The following IQGAP2 variants were observed in gnomAD, a reference collection of about 807,000 sequenced individuals.
The protein encoded by IQGAP2 is IQ motif containing GTPase activating protein 2.
IQGAP2 carries 173 observed loss-of-function variants against 201.3 expected under a neutral mutation model. The ratio of observed to expected loss-of-function variants is 0.86; its 90% CI spans 0.76 to 0.98. The LOEUF (loss-of-function observed/expected upper bound fraction) is 0.98. Among genes scored for constraint, IQGAP2 ranks in the 50% least tolerant of loss-of-function variants. IQGAP2 has a pLI of 0.00. For missense variants in IQGAP2, 1,687 were observed against 1,864.8 expected, an observed-to-expected ratio of 0.90 and a Z score of 1.76; for synonymous variants, 675 against 673.9, an observed-to-expected ratio of 1.00 and a Z score of -0.03.
intron 21 of IQGAP2, among the ~76,000 whole-genome samples, chr5:76,659,013 C>T (rs1353256673): frequency 1.3e-5 from 2 of 152,100 alleles, no homozygotes; most frequent in Non-Finnish European, 2.9e-5. Context: ...TCTTATAGGA[C>T]TTATGTCTTA....
chr5:76,465,169 A>G (rs971704597), intron 2 of IQGAP2, among the ~76,000 whole-genome samples: 1 of 152,228 alleles, frequency 6.6e-6, no homozygotes, highest in Non-Finnish European at 1.5e-5. Flanking sequence ...ATCCTTAGCA[A>G]AATACTAGCA....
At chr5:76,525,463 A>T (rs571445340) in intron 2 of IQGAP2, among the ~76,000 whole-genome samples, 2 of 148,118 alleles carry the variant, frequency 1.4e-5, no homozygotes, top group Non-Finnish European at 3.0e-5. Context: ...TTTCCAGTGA[A>T]TTTTTTTTTT....
intron 3 of IQGAP2, among the ~76,000 whole-genome samples, chr5:76,570,202 G>T (rs1745015164): frequency 6.6e-6 from 1 of 152,120 alleles, no homozygotes; most frequent in African/African-American, 2.4e-5. Context: ...TTCTGAAGTT[G>T]CTAGGCCTCT....
intron 2 of IQGAP2, among the ~76,000 whole-genome samples, chr5:76,474,581 G>GT (rs1415864048): frequency 6.6e-6 from 1 of 152,076 alleles, no homozygotes. Context: ...TTGTTTGTTT[G>GT]TTTTTTCCCA....
intron 28 of IQGAP2, among the ~76,000 whole-genome samples, chr5:76,681,428 A>G (rs1745282094): frequency 6.6e-6 from 1 of 152,110 alleles, no homozygotes; most frequent in Non-Finnish European, 1.5e-5. Context: ...ATGTTTTTCC[A>G]GAGAAGTATA....
At chr5:76,531,155 C>A (rs182463076) in intron 2 of IQGAP2, among the ~76,000 whole-genome samples, 22 of 152,308 alleles carry the variant, frequency 1.4e-4, no homozygotes, top group African/African-American at 4.8e-4. Flanking sequence ...CTCTCTGCTT[C>A]CAAGATGGTG....
At chr5:76,419,848 C>G (rs1456569565) in intron 1 of IQGAP2, among the ~76,000 whole-genome samples, 1 of 152,174 alleles carries the variant, frequency 6.6e-6, no homozygotes, top group African/African-American at 2.4e-5. Context: ...ATCTCACATA[C>G]TGAGAAAGAC....
At chr5:76,565,854 GGT>G (rs1236810684) in intron 3 of IQGAP2, among the ~76,000 whole-genome samples, 3 of 152,072 alleles carry the variant, frequency 2.0e-5, no homozygotes, top group Admixed American at 1.3e-4. Context: ...CCACCTAATG[GGT>G]GTGTGTAAAA....
intron 2 of IQGAP2, among the ~76,000 whole-genome samples, chr5:76,548,937 GT>G (rs1359379889): frequency 6.6e-6 from 1 of 152,142 alleles, no homozygotes; most frequent in Non-Finnish European, 1.5e-5. Context: ...TGTTCAGGGG[GT>G]GCAACAGACT....
At chr5:76,555,149 T>G (rs1265160524) in intron 2 of IQGAP2, among the ~76,000 whole-genome samples, 1 of 152,146 alleles carries the variant, frequency 6.6e-6, no homozygotes, top group East Asian at 1.9e-4. Flanking sequence ...TGGGGGTAAA[T>G]GGAGAATGAC....
chr5:76,537,277 C>CT (rs939205536), intron 2 of IQGAP2, among the ~76,000 whole-genome samples: 2 of 152,096 alleles, frequency 1.3e-5, no homozygotes, highest in African/African-American at 4.8e-5. Context: ...TAATAAAGGC[C>CT]TGTCCGGAAT....
chr5:76,583,278 T>A (rs1356705633), intron 5 of IQGAP2, among the ~76,000 whole-genome samples: 2 of 152,230 alleles, frequency 1.3e-5, no homozygotes, highest in Non-Finnish European at 2.9e-5. Context: ...TATTGCTGTT[T>A]CTTTTCAGCA....
At chr5:76,411,432 C>T (rs1751110440) in intron 1 of IQGAP2, among the ~76,000 whole-genome samples, 1 of 152,100 alleles carries the variant, frequency 6.6e-6, no homozygotes, top group South Asian at 2.1e-4. Flanking sequence ...TTGGAAGGTG[C>T]TGTAGTTTGA....
chr5:76,521,215 G>C (rs1758661607), intron 2 of IQGAP2, among the ~76,000 whole-genome samples: 1 of 152,098 alleles, frequency 6.6e-6, no homozygotes, highest in Non-Finnish European at 1.5e-5. Flanking sequence ...ATAATTATTT[G>C]TCCAGATCTC....
chr5:76,615,119 G>A (rs1376181814), intron 13 of IQGAP2, among the ~76,000 whole-genome samples: 1 of 152,206 alleles, frequency 6.6e-6, no homozygotes, highest in Non-Finnish European at 1.5e-5. Context: ...TCTGTTCACT[G>A]GGTGGTGTGT....
At chr5:76,651,665 G>C (rs1228489531) in intron 17 of IQGAP2, among the ~76,000 whole-genome samples, 2 of 152,012 alleles carry the variant, frequency 1.3e-5, no homozygotes, top group Non-Finnish European at 1.5e-5. Flanking sequence ...CTGTGTAAAG[G>C]GGTACACGGA....
chr5:76,417,877 T>C (rs926456076), intron 1 of IQGAP2, among the ~76,000 whole-genome samples: 5 of 151,562 alleles, frequency 3.3e-5, no homozygotes, highest in Non-Finnish European at 5.9e-5. Context: ...CCATTGTGCC[T>C]GGCTGATATG....
intron 13 of IQGAP2, among the ~76,000 whole-genome samples, chr5:76,624,737 C>T (rs1750061384): frequency 6.6e-6 from 1 of 152,074 alleles, no homozygotes; most frequent in Non-Finnish European, 1.5e-5. Flanking sequence ...TGTGGCCGTC[C>T]CATAAATATA....
At chr5:76,424,021 G>A (rs10044373) in intron 1 of IQGAP2, among the ~76,000 whole-genome samples, 60,136 of 151,952 alleles carry the variant, frequency 0.4, 13,388 homozygotes, top group East Asian at 0.52. Context: ...AGGATGGCAG[G>A]GATATATATT....
Sources: gnomAD v4.1 joint callset for allele counts (sites outside exome capture counted in the v4.1 genomes callset) on GRCh38, gnomAD v4.1.1 for gene constraint, MANE v1.5 for transcripts, NCBI Gene and HGNC (gene_info 2026-07-23, HGNC 2026-07-21) for gene names.